Variants in PTPRD observed in about 807,000 individuals in gnomAD.
PTPRD encodes the protein protein tyrosine phosphatase receptor type D.
Under a neutral mutation model 214.5 loss-of-function variants are expected in PTPRD, and 34 were observed. The ratio of observed to expected loss-of-function variants is 0.16; its 90% CI spans 0.12 to 0.21. The LOEUF is 0.21. Ranked by LOEUF, PTPRD falls within the 10% of genes least tolerant of loss-of-function variation. The pLI is 1.00. For missense variants in PTPRD, 2,545 were observed against 2,398.7 expected (o/e 1.06, Z -1.27); for synonymous variants, 1,128 against 845.7 (o/e 1.33, Z -5.79).
In PTPRD at chr9:9,492,497, G is replaced by T. The variant is rs150598891; in HGVS notation, c.-237+82235C>A. 5.3e-4 allele frequency among the ~76,000 whole-genome samples: 81 copies of T among 152,000 alleles called. 3 individuals are homozygous for T. The East Asian group carries it at 0.015, about 29-fold the overall frequency. On this transcript the variant is annotated intron_variant, in intron 8 of 45. Transcript: ENST00000381196. ...TGTTTATTCCTGGAATGCCAAAATG[G>T]TACAACATATGACAGCTGATTAATG...
intron 9 of PTPRD, among the ~76,000 whole-genome samples, chr9:9,291,793 CTCT>C (rs1258532222): frequency 1.4e-5 from 1 of 70,726 alleles, no homozygotes; most frequent in Non-Finnish European, 3.1e-5. Flanking sequence ...AATATTTTCT[CTCT>C]TTTTTTAGGT....
At position 8,631,528 on chromosome 9, in the gene PTPRD, T is replaced by C. The variant is rs1040496603; in HGVS notation, c.352+1789A>G. On this transcript the variant is annotated intron_variant, in intron 14 of 45. Coordinates refer to ENST00000381196, the MANE Select transcript of PTPRD (RefSeq NM_002839.4). Reference sequence around the variant, plus strand: ...TGTCTCTGTGGGGTGAGTGCTATTATGGGTGTCTGTTGCACACTCTATGGG... The same window carrying C: ...TGTCTCTGTGGGGTGAGTGCTATTACGGGTGTCTGTTGCACACTCTATGGG... Among the ~76,000 whole-genome samples the C allele has an allele frequency of 2.0e-5, 3 of 151,800 alleles. No homozygotes were observed. In the East Asian group the frequency reaches 5.8e-4, roughly 29 times the overall value.
intron 2 of PTPRD, among the ~76,000 whole-genome samples, chr9:10,516,620 T>C (rs1207860167): frequency 1.3e-5 from 2 of 151,998 alleles, no homozygotes; most frequent in Non-Finnish European, 2.9e-5. Context: ...CCTGTGCTTT[T>C]AGAGTCATAT....
intron 5 of PTPRD, among the ~76,000 whole-genome samples, chr9:9,899,114 G>C (rs1054222309): frequency 6.6e-6 from 1 of 152,036 alleles, no homozygotes; most frequent in Non-Finnish European, 1.5e-5. Context: ...AATTAGAATT[G>C]TAAGTTTAAT....
At chr9:9,174,318 A>T (rs943402091) in intron 10 of PTPRD, among the ~76,000 whole-genome samples, 3 of 152,168 alleles carry the variant, frequency 2.0e-5, no homozygotes, top group Non-Finnish European at 4.4e-5. Context: ...TAGATGAATG[A>T]AAAAAGGGAC....
intron 3 of PTPRD, among the ~76,000 whole-genome samples, chr9:10,313,523 A>G (rs1218975240): frequency 3.9e-5 from 6 of 151,930 alleles, no homozygotes; most frequent in Non-Finnish European, 8.8e-5. Flanking sequence ...ATAGGATTTC[A>G]AAATTTAAAA....
intron 35 of PTPRD, among the ~76,000 whole-genome samples, chr9:8,417,755 T>C (rs1230091563): frequency 6.6e-6 from 1 of 152,058 alleles, no homozygotes; most frequent in Non-Finnish European, 1.5e-5. Context: ...AAGAGGCATA[T>C]TTATACTAAG....
chr9:9,255,335 T>C (rs760118845), intron 9 of PTPRD, among the ~76,000 whole-genome samples: 2 of 152,084 alleles, frequency 1.3e-5, no homozygotes, highest in Admixed American at 6.6e-5. Flanking sequence ...TTAAAAGCCA[T>C]TTGCTTCTTA....
chr9:8,929,513 C>T (rs1225960262), intron 11 of PTPRD, among the ~76,000 whole-genome samples: 2 of 151,828 alleles, frequency 1.3e-5, no homozygotes, highest in East Asian at 3.9e-4. Flanking sequence ...GTATGTTGAA[C>T]CTGCCTTGCA....
chr9:8,405,011 C>A (rs1466906603), intron 35 of PTPRD, among the ~76,000 whole-genome samples: 1 of 152,154 alleles, frequency 6.6e-6, no homozygotes, highest in South Asian at 2.1e-4. Flanking sequence ...GTTCTGTAAA[C>A]CTTATTTTAT....
intron 9 of PTPRD, among the ~76,000 whole-genome samples, chr9:9,236,934 C>A (rs1320687092): frequency 2.6e-5 from 4 of 152,118 alleles, no homozygotes; most frequent in African/African-American, 7.2e-5. Context: ...AAGGCTGCAC[C>A]TTTTTGCTTC....
At position 10,083,791 on chromosome 9, in the gene PTPRD, C is replaced by T. The variant is rs371325959; in HGVS notation, c.-544-50001G>A. 3.6e-4 allele frequency among the ~76,000 whole-genome samples: 54 copies of T among 152,088 alleles called. 1 individual carries two copies. Among genetic ancestry groups the T allele is most frequent in the African/African-American group, 1.2e-3 (50 of 41,554 alleles). On this transcript the variant is annotated intron_variant, in intron 3 of 45. Coordinates refer to ENST00000381196, the MANE Select transcript of PTPRD (RefSeq NM_002839.4). The stretch of plus-strand genomic sequence containing the variant: ...AGGAGCACGCGACCTAGATCCCTCA[C>T]ATGTGCAGTTTACAATAGAGTTCAT...
chr9:8,487,298 G>A (rs1336083445), intron 27 of PTPRD, among the ~76,000 whole-genome samples: 3 of 152,276 alleles, frequency 2.0e-5, no homozygotes. Flanking sequence ...AGTTAGATAT[G>A]TGAAAAGGTC....
At chr9:9,723,988 C>A (rs1420149117) in intron 7 of PTPRD, among the ~76,000 whole-genome samples, 1 of 151,892 alleles carries the variant, frequency 6.6e-6, no homozygotes, top group South Asian at 2.1e-4. Context: ...CTTTTTATTT[C>A]TTTTTCTTTC....
chr9:8,656,159 AGAT>A (rs1373205717), intron 12 of PTPRD, among the ~76,000 whole-genome samples: 4 of 152,200 alleles, frequency 2.6e-5, no homozygotes, highest in Admixed American at 2.6e-4. Context: ...TACTTGTTAA[AGAT>A]GCATATTCTC....
chr9:9,503,481 G>C (rs889515498), intron 8 of PTPRD, among the ~76,000 whole-genome samples: 1 of 151,526 alleles, frequency 6.6e-6, no homozygotes, highest in Non-Finnish European at 1.5e-5. Context: ...CAAGTATCTG[G>C]GCTCATAACT....
At chr9:10,123,585 T>G (rs1591733981) in intron 3 of PTPRD, among the ~76,000 whole-genome samples, 1 of 152,088 alleles carries the variant, frequency 6.6e-6, no homozygotes, top group East Asian at 1.9e-4. Flanking sequence ...CTGACAAAAG[T>G]GGCTTGTGAA....
chr9:9,754,647 G>T (rs1163806182), intron 6 of PTPRD, among the ~76,000 whole-genome samples: 2 of 152,042 alleles, frequency 1.3e-5, no homozygotes, highest in Non-Finnish European at 2.9e-5. Context: ...GCACTATATT[G>T]TTGAAATTAC....
At chr9:10,174,037 C>A (rs1380032708) in intron 3 of PTPRD, among the ~76,000 whole-genome samples, 1 of 152,074 alleles carries the variant, frequency 6.6e-6, no homozygotes, top group Non-Finnish European at 1.5e-5. Flanking sequence ...AACTCTATGT[C>A]TGAGCAGTAA....
Sources: gnomAD v4.1 joint callset for allele counts (sites outside exome capture counted in the v4.1 genomes callset) on GRCh38, gnomAD v4.1.1 for gene constraint, MANE v1.5 for transcripts, NCBI Gene and HGNC (gene_info 2026-07-23, HGNC 2026-07-21) for gene names.